The following HTR1F variants were observed in gnomAD, a reference collection of about 807,000 sequenced individuals.
HTR1F encodes 5-hydroxytryptamine (serotonin) receptor 1F, G protein-coupled.
HTR1F carries 17 observed loss-of-function variants against 24.0 expected under a neutral mutation model. That is an observed-to-expected ratio of 0.71 (90% CI 0.48 to 1.06). The LOEUF is 1.06. Among genes scored for constraint, HTR1F ranks in the 50% least tolerant of loss-of-function variants. HTR1F has a pLI of 0.00. For missense variants in HTR1F, 391 were observed against 427.8 expected, an observed-to-expected ratio of 0.91 and a Z score of 0.76; for synonymous variants, 186 against 156.8, an observed-to-expected ratio of 1.19 and a Z score of -1.39.
At chr3:87,861,139 A>G (rs960305931) in intron 2 of HTR1F, among the ~76,000 whole-genome samples, 7 of 152,234 alleles carry the variant, frequency 4.6e-5, no homozygotes, top group African/African-American at 7.2e-5. Context: ...CCTGGGCCAC[A>G]GAGTGAGACC....
chr3:87,916,403 G>A (rs1444412890), intron 2 of HTR1F, among the ~76,000 whole-genome samples: 1 of 149,998 alleles, frequency 6.7e-6, no homozygotes, highest in Non-Finnish European at 1.5e-5. Context: ...GAATGTAAAT[G>A]GCCTAAAGAC....
In HTR1F at chr3:87,960,618, G is replaced by A. The variant is rs72915677; in HGVS notation, c.-42-30090G>A. ...CTACATAAGGCTATATTTTTGTTGT[G>A]AGGGTATTATGAAGTCATAATTTAT... On this transcript the variant is annotated intron_variant, in intron 2 of 2. Coordinates refer to ENST00000319595, the MANE Select transcript of HTR1F (RefSeq NM_001322209.2). Among the ~76,000 whole-genome samples, 741 of 152,084 alleles carry A rather than the reference G, an allele frequency of 4.9e-3. 2 individuals are homozygous for A. The highest frequency in any genetic ancestry group is 0.017 in the African/African-American group (717 of 41,512).
intron 2 of HTR1F, among the ~76,000 whole-genome samples, chr3:87,903,063 G>C (rs1576008489): frequency 1.3e-5 from 2 of 151,800 alleles, no homozygotes; most frequent in South Asian, 2.1e-4. Flanking sequence ...GGGAAAACTG[G>C]CTAGCCATAT....
intron 2 of HTR1F, among the ~76,000 whole-genome samples, chr3:87,930,812 A>G (rs1704245034): frequency 6.6e-6 from 1 of 152,118 alleles, no homozygotes; most frequent in South Asian, 2.1e-4. Flanking sequence ...AGCTACTACT[A>G]CTATTTGTTT....
At chr3:87,964,788 T>C (rs192894453) in intron 2 of HTR1F, among the ~76,000 whole-genome samples, 46 of 152,310 alleles carry the variant, frequency 3.0e-4, no homozygotes, top group African/African-American at 1.1e-3. Flanking sequence ...GTTTCCTGCC[T>C]GATATGATAT....
At chr3:87,963,716 G>C (rs1705109794) in intron 2 of HTR1F, among the ~76,000 whole-genome samples, 1 of 152,076 alleles carries the variant, frequency 6.6e-6, no homozygotes, top group Admixed American at 6.6e-5. Flanking sequence ...CTCAATGGAG[G>C]TGAAAGGATT....
At chr3:87,860,939 T>C (rs978865905) in intron 2 of HTR1F, among the ~76,000 whole-genome samples, 2 of 152,100 alleles carry the variant, frequency 1.3e-5, no homozygotes, top group African/African-American at 4.8e-5. Flanking sequence ...GGCAGGTCAC[T>C]TGAGGCCATG....
intron 2 of HTR1F, among the ~76,000 whole-genome samples, chr3:87,956,257 C>T (rs1046318335): frequency 6.6e-6 from 1 of 151,242 alleles, no homozygotes; most frequent in Non-Finnish European, 1.5e-5. Context: ...ATATGGATAA[C>T]TAGGTATTTA....
chr3:87,842,227 T>C (rs1248167323), intron 2 of HTR1F, among the ~76,000 whole-genome samples: 2 of 151,820 alleles, frequency 1.3e-5, no homozygotes, highest in African/African-American at 4.9e-5. Flanking sequence ...AGTGGCTTGA[T>C]CTCAGCTCAC....
Position 87,991,633 on chromosome 3 carries a change from TG to T in HTR1F, c.887del (p.Gly296AspfsTer2), listed in dbSNP as rs1362118610. The T allele has an allele frequency of 1.9e-6, 3 of 1,613,518 alleles. No homozygotes were observed. The Admixed American group carries it at 5.0e-5, about 27-fold the overall frequency. ...GTRERKAATT[L>X]GLILGAFVIC... ...AGAGAACGGAAAGCAGCCACTACCC[TG>T]GGATTAATCTTGGGTGCATTTGTAA... On this transcript the variant is annotated frameshift_variant, in exon 3 of 3. Coordinates refer to ENST00000319595, the MANE Select transcript of HTR1F (RefSeq NM_001322209.2). LOFTEE classifies it high-confidence loss of function.
chr3:87,910,834 A>G (rs1703762626), intron 2 of HTR1F, among the ~76,000 whole-genome samples: 1 of 152,078 alleles, frequency 6.6e-6, no homozygotes, highest in African/African-American at 2.4e-5. Flanking sequence ...AAAACCATCC[A>G]AATACATGGA....
chr3:87,882,020 A>G (rs1337705554), intron 2 of HTR1F, among the ~76,000 whole-genome samples: 2 of 152,316 alleles, frequency 1.3e-5, no homozygotes, highest in Non-Finnish European at 2.9e-5. Flanking sequence ...CAAGAAAAAA[A>G]CAAACAACCC....
intron 2 of HTR1F, among the ~76,000 whole-genome samples, chr3:87,874,535 G>A (rs544469459): frequency 6.6e-6 from 1 of 151,552 alleles, no homozygotes; most frequent in Admixed American, 6.6e-5. Flanking sequence ...TGAATTAAAA[G>A]ATTTATTAAT....
At chr3:87,867,277 G>T (rs758980361) in intron 2 of HTR1F, among the ~76,000 whole-genome samples, 8 of 151,704 alleles carry the variant, frequency 5.3e-5, no homozygotes, top group Non-Finnish European at 1.2e-4. Context: ...ATAACAGCAA[G>T]TTCTTACAGA....
chr3:87,980,513 C>T lies in HTR1F; in HGVS notation c.-42-10195C>T, dbSNP rs1705517158. On this transcript the variant is annotated intron_variant, in intron 2 of 2. Coordinates refer to ENST00000319595, the MANE Select transcript of HTR1F (RefSeq NM_001322209.2). ...GCCATGGGTGGGCCTGGAAAAAGCA[C>T]CATAAGTTTTCATGCCTGGCTATGG... Among the ~76,000 whole-genome samples, 3 of 152,148 alleles carry T rather than the reference C, an allele frequency of 2.0e-5. No individual in the cohort carries two copies. The South Asian group carries it at 6.2e-4, about 32-fold the overall frequency.
At chr3:87,834,915 G>A (rs1704652376) in intron 2 of HTR1F, among the ~76,000 whole-genome samples, 1 of 152,168 alleles carries the variant, frequency 6.6e-6, no homozygotes, top group Non-Finnish European at 1.5e-5. Context: ...TTGCAACAGA[G>A]ACCATATGGC....
At chr3:87,847,842 AGTTCTATTCATATTGC>A (rs1704980798) in intron 2 of HTR1F, among the ~76,000 whole-genome samples, 5 of 151,838 alleles carry the variant, frequency 3.3e-5, no homozygotes, top group Non-Finnish European at 7.4e-5. Context: ...AATGACCTTC[AGTTCTATTCATATTGC>A]TGCACATGAC....
chr3:87,978,209 A>T (rs1291620278), intron 2 of HTR1F, among the ~76,000 whole-genome samples: 1 of 151,578 alleles, frequency 6.6e-6, no homozygotes, highest in Non-Finnish European at 1.5e-5. Flanking sequence ...AAGGTTGAAG[A>T]CTCCAGAAAT....
chr3:87,963,322 T>C (rs1559650219), intron 2 of HTR1F, among the ~76,000 whole-genome samples: 3 of 152,114 alleles, frequency 2.0e-5, no homozygotes, highest in Non-Finnish European at 4.4e-5. Context: ...TGAAAAAGTA[T>C]TGCACTATCA....
Sources: allele counts gnomAD v4.1 joint callset (sites outside exome capture counted in the v4.1 genomes callset), GRCh38; gene constraint gnomAD v4.1.1; transcripts MANE v1.5; gene names NCBI Gene and HGNC (gene_info 2026-07-23, HGNC 2026-07-21).